ACIN1: variants seen among roughly 807,000 people sequenced by gnomAD.
ACIN1 encodes the protein apoptotic chromatin condensation inducer in the nucleus.
In ACIN1, 16 loss-of-function variants were observed where a neutral mutation model predicts 146.6. The observed-to-expected ratio is 0.11, with a 90% CI of 0.07 to 0.17. ACIN1 has a LOEUF of 0.17. Ranked by LOEUF, ACIN1 falls within the 10% of genes least tolerant of loss-of-function variation. ACIN1 has a pLI of 1.00. For missense variants in ACIN1, 1,357 were observed against 1,609.3 expected (o/e 0.84, Z 2.68); for synonymous variants, 569 against 582.7 (o/e 0.98, Z 0.34).
intron 18 of ACIN1, among the ~76,000 whole-genome samples, chr14:23,059,956 G>GTTTTTTTTTTTTTTTTT (rs397830741): frequency 1.7e-4 from 17 of 100,136 alleles, no homozygotes; most frequent in African/African-American, 6.6e-4. Context: ...CGCCCCGCCA[G>GTTTTTTTTTTTTTTTTT]TTTTTTTTTT....
At position 23,080,208 on chromosome 14, in the gene ACIN1, C is replaced by T. The variant is rs2047907026; in HGVS notation, c.1127G>A (p.Ser376Asn). 2 of 1,614,162 alleles carry T rather than the reference C, an allele frequency of 1.2e-6. No individual in the cohort carries two copies. Among genetic ancestry groups the T allele is most frequent in the East Asian group, 2.2e-5 (1 of 44,880 alleles). ...TTCCATGGGCTCTATTTCTTCTTCG[C>T]TATGGAGCTGTGGATGAGGTGGTGG... Reference protein sequence around the residue: ...SSPPPHPQLHSEEEIEPMEGP... With the variant: ...SSPPPHPQLHNEEEIEPMEGP... Residue 376 changes from serine to asparagine, a missense_variant, in exon 6 of 19, where the codon AGC (serine) becomes AAC (asparagine). Physicochemically the swap from Ser to Asn is conservative, Grantham distance 46 (BLOSUM62 1). Coordinates refer to ENST00000605057, the MANE Select transcript of ACIN1 (RefSeq NM_001386863.1).
At chr14:23,087,076 G>A (rs1273181626) in intron 4 of ACIN1, among the ~76,000 whole-genome samples, 2 of 152,160 alleles carry the variant, frequency 1.3e-5, no homozygotes, top group African/African-American at 4.8e-5. Flanking sequence ...AAAAATGTTA[G>A]TAGGAAACTT....
intron 8 of ACIN1, chr14:23,071,685 A>ACTGCTGG: frequency 2.2e-6 from 2 of 920,978 alleles, no homozygotes; most frequent in Non-Finnish European, 3.1e-6. Context: ...CAGGGAGCCG[A>ACTGCTGG]CTGCTGGCTC....
Position 23,068,145 on chromosome 14 carries a change from G to C in ACIN1, c.2265+1331C>G. The C allele has an allele frequency of 1.0e-6, 1 of 985,932 alleles. No individual in the cohort carries two copies. The highest frequency in any genetic ancestry group is 1.2e-6 in the Non-Finnish European group (1 of 830,002). The allele number at this position is 985,932 out of a possible 1,614,324, so 61.1% of individuals were successfully genotyped here. On this transcript the variant is annotated intron_variant, in intron 9 of 18. Coordinates refer to ENST00000605057, the MANE Select transcript of ACIN1 (RefSeq NM_001386863.1). The surrounding 1 kb of genome is among the most constrained non-coding windows in gnomAD (Gnocchi z 4.3). ...TGTCATCAGCATTAAATCCCCAGGG[G>C]CTCAGACCCTAGACTCCTCTGCACG...
intron 8 of ACIN1, 24 bp downstream of exon 8, chr14:23,078,127 C>T: frequency 6.2e-7 from 1 of 1,603,654 alleles, no homozygotes; most frequent in East Asian, 2.2e-5. Flanking sequence ...CCCTGTTATA[C>T]CCCGGTCGAG....
intron 6 of ACIN1, 127 bp from the exon 7 acceptor site, chr14:23,079,165 C>T (rs1305801622): frequency 6.1e-6 from 6 of 979,042 alleles, no homozygotes; most frequent in Middle Eastern, 3.2e-4. Flanking sequence ...GTGTTTACTC[C>T]CATTTTGTCT....
At chr14:23,065,542 G>A (rs2047426133) in intron 10 of ACIN1, among the ~76,000 whole-genome samples, 2 of 152,158 alleles carry the variant, frequency 1.3e-5, no homozygotes, top group African/African-American at 4.8e-5. Flanking sequence ...AGCCAAAATC[G>A]CACCACTGCA....
intron 18 of ACIN1, among the ~76,000 whole-genome samples, chr14:23,060,826 A>C (rs922670583): frequency 6.6e-6 from 1 of 152,218 alleles, no homozygotes; most frequent in African/African-American, 2.4e-5. Flanking sequence ...TCAAGTTCTA[A>C]GAAGCCTGGT....
rs2140155085 is a variant in ACIN1, at chr14:23,080,058, G to A, written c.1277C>T (p.Ser426Leu). The A allele has an allele frequency of 6.2e-7, 1 of 1,614,134 alleles. No individual in the cohort carries two copies. The highest frequency in any genetic ancestry group is 8.5e-7 in the Non-Finnish European group (1 of 1,180,022). Residue 426 changes from serine to leucine, a missense_variant, in exon 6 of 19, where the codon TCA becomes TTA. Physicochemically the swap from Ser to Leu is moderately radical, Grantham distance 145 (BLOSUM62 -2). Around this residue, in one of 4 missense-constraint regions of ACIN1, gnomAD observed 771 missense variants for 746.6 expected, o/e 1.03. Coordinates refer to ENST00000605057, the MANE Select transcript of ACIN1 (RefSeq NM_001386863.1). ...TGCTGGAGATTCTGCTTTGGTGTCT[G>A]AAGGACTTGACAAAGGAGACAGGCC... Reference protein sequence around the residue: ...VGGLSPLSSPSDTKAESPAEK... With the variant: ...VGGLSPLSSPLDTKAESPAEK...
rs1355454778 is a variant in ACIN1, at chr14:23,063,077, A to G, written c.2738-3T>C. 2.5e-6 allele frequency: 4 copies of G among 1,602,312 alleles called. No individual in the cohort carries two copies. The highest frequency in any genetic ancestry group is 2.2e-5 in the East Asian group (1 of 44,834). ...AGTTAAGGTATCTCCTAAAGTCACT[A>G]TCAAGAAGACCACAAGAACAGCTTT... On this transcript the variant is annotated splice_polypyrimidine_tract_variant and splice_region_variant and intron_variant, in intron 13 of 18. Coordinates refer to ENST00000605057, the MANE Select transcript of ACIN1 (RefSeq NM_001386863.1).
intron 8 of ACIN1, among the ~76,000 whole-genome samples, chr14:23,077,388 C>T (rs1302837788): frequency 3.3e-5 from 5 of 152,148 alleles, no homozygotes; most frequent in African/African-American, 1.2e-4. Flanking sequence ...CAATCTTATT[C>T]CCATAAGGCT....
chr14:23,079,894 C>G lies in ACIN1; in HGVS notation c.1441G>C (p.Ala481Pro). The G allele has an allele frequency of 6.2e-7, 1 of 1,614,168 alleles. No homozygotes were observed. The highest frequency in any genetic ancestry group is 8.5e-7 in the Non-Finnish European group (1 of 1,180,026). The change falls in exon 6 of 19, where the codon GCC becomes CCC. Residue 481 changes from alanine to proline, a missense_variant. Physicochemically the swap from Ala to Pro is conservative, Grantham distance 27. This residue lies in a region of ACIN1 where 771 missense variants were observed against 746.6 expected (regional missense o/e 1.03). Transcript: ENST00000605057. ...LPLKIEELAL[A>P]KGITEECLKQ... Reference sequence around the variant, plus strand: ...AGACATTCTTCAGTGATTCCTTTGGCCAGTGCTAATTCCTCAATTTTTAGA... The same window carrying G: ...AGACATTCTTCAGTGATTCCTTTGGGCAGTGCTAATTCCTCAATTTTTAGA...
intron 1 of ACIN1, 106 bp from the exon 2 acceptor site, chr14:23,093,650 A>G: frequency 1.1e-6 from 1 of 894,018 alleles, no homozygotes; most frequent in African/African-American, 1.7e-5. Flanking sequence ...TTAAATACAC[A>G]CAATTAAACT....
At chr14:23,082,437 A>ATTTTTTT (rs11378976) in intron 4 of ACIN1, among the ~76,000 whole-genome samples, 4 of 95,814 alleles carry the variant, frequency 4.2e-5, no homozygotes, top group Non-Finnish European at 6.1e-5. Context: ...AGAGCTCAAT[A>ATTTTTTT]TTTTTTTTTT....
intron 1 of ACIN1, among the ~76,000 whole-genome samples, chr14:23,094,233 C>T (rs532768193): frequency 4.4e-4 from 67 of 152,286 alleles, no homozygotes; most frequent in African/African-American, 1.5e-3. Flanking sequence ...TCCTGTTGAA[C>T]TCTAATTAAA....
chr14:23,082,437 A>ATTTTTT (rs11378976), intron 4 of ACIN1, among the ~76,000 whole-genome samples: 17 of 95,816 alleles, frequency 1.8e-4, no homozygotes, highest in African/African-American at 2.4e-4. Flanking sequence ...AGAGCTCAAT[A>ATTTTTT]TTTTTTTTTT....
chr14:23,087,442 C>CTT (rs78090655), intron 4 of ACIN1, among the ~76,000 whole-genome samples: 3 of 139,696 alleles, frequency 2.1e-5, no homozygotes, highest in African/African-American at 2.7e-5. Context: ...TATTTTTCAC[C>CTT]TTTTTTTTTT....
rs1369951291 is a variant in ACIN1, at chr14:23,090,409, T to A, written c.316+113A>T. The A allele has an allele frequency of 5.1e-6, 5 of 971,210 alleles. No homozygotes were observed. In the African/African-American group the frequency reaches 6.5e-5, roughly 13 times the overall value. 60.2% of individuals were successfully genotyped at this position (971,210 alleles called of 1,614,324 possible). On this transcript the variant is annotated intron_variant, in intron 3 of 18. Transcript: ENST00000605057. ...TTCATGGGCTATGAAAGCAAGTAAG[T>A]AGCAGTCTCAGCCTCACTTATTTCT...
Position 23,080,070 on chromosome 14 carries a change from AAAG to A in ACIN1, c.1262_1264del (p.Pro421del). On this transcript the variant is annotated inframe_deletion, in exon 6 of 19. Transcript: ENST00000605057. ...TGCTTTGGTGTCTGAAGGACTTGAC[AAAG>A]GAGACAGGCCTCCTACCAACTGGAC... The A allele has an allele frequency of 6.2e-7, 1 of 1,614,172 alleles. No individual in the cohort carries two copies. Among genetic ancestry groups the A allele is most frequent in the Non-Finnish European group, 8.5e-7 (1 of 1,180,028 alleles).
Sources: allele counts gnomAD v4.1 joint callset (sites outside exome capture counted in the v4.1 genomes callset), GRCh38; gene constraint gnomAD v4.1.1; regional missense constraint gnomAD v4.1.1; non-coding constraint Gnocchi (gnomAD v3.1); transcripts MANE v1.5; gene names NCBI Gene and HGNC (gene_info 2026-07-23, HGNC 2026-07-21).